DTWD1: variants seen among roughly 807,000 people sequenced by gnomAD.
DTWD1 encodes DTW motif tRNA-uridine aminocarboxypropyltransferase 1.
Under a neutral mutation model 30.2 loss-of-function variants are expected in DTWD1, and 27 were observed. The observed-to-expected ratio is 0.90, with a 90% CI of 0.66 to 1.23. DTWD1 has a LOEUF of 1.23. Ranked by LOEUF, DTWD1 falls within the 50% of genes most tolerant of loss-of-function variation. DTWD1 has a pLI of 0.00. For synonymous variants in DTWD1, 99 were observed against 113.1 expected (o/e 0.88, Z 0.79); for missense variants, 342 against 348.8 (o/e 0.98, Z 0.15).
At chr15:49,641,571 A>C (rs1313827089) in intron 4 of DTWD1, among the ~76,000 whole-genome samples, 2 of 152,004 alleles carry the variant, frequency 1.3e-5, no homozygotes, top group African/African-American at 4.8e-5. Context: ...TTCTTTACTC[A>C]GTGTTTTATC....
At chr15:49,631,488 G>A (rs140525403) in intron 2 of DTWD1, among the ~76,000 whole-genome samples, 267 of 152,262 alleles carry the variant, frequency 1.8e-3, no homozygotes, top group Non-Finnish European at 3.2e-3. Flanking sequence ...TAAGAGGCCA[G>A]GTGTGGTGGC....
chr15:49,637,167 T>G (rs2079012940), intron 4 of DTWD1, among the ~76,000 whole-genome samples: 2 of 152,146 alleles, frequency 1.3e-5, no homozygotes, highest in Admixed American at 6.5e-5. Context: ...TTCCACCCCT[T>G]TTTGAGATCA....
Position 49,643,317 on chromosome 15 carries a change from T to TTC in DTWD1, c.668-13_668-12insCT. 1 of 1,447,452 alleles carries TTC rather than the reference T, an allele frequency of 6.9e-7. No individual in the cohort carries two copies. The highest frequency in any genetic ancestry group is 1.5e-5 in the African/African-American group (1 of 67,746). 89.7% of individuals were successfully genotyped at this position (1,447,452 alleles called of 1,614,324 possible). A position where few individuals can be genotyped will look rare whatever the true frequency, so the allele number is the denominator to read the frequency against. ...TTCTTTCTTTCTTTCTTTTTTTTTT[T>TTC]TTTTTTTTGACAGGGTTGTTACAAG... On this transcript the variant is annotated splice_polypyrimidine_tract_variant and intron_variant, in intron 4 of 4. Transcript: ENST00000403028.
rs111644621 is a variant in DTWD1, at chr15:49,634,157, T to C, written c.409-379T>C. On this transcript the variant is annotated intron_variant, in intron 3 of 4. Transcript: ENST00000403028. ...TATCATTTGTTTTATCTTTGGCTTA[T>C]GATATAGATGAAAATGGCATTTAAT... Among the ~76,000 whole-genome samples, 338 of 152,320 alleles carry C rather than the reference T, an allele frequency of 2.2e-3. 2 individuals are homozygous for C. Among genetic ancestry groups the C allele is most frequent in the African/African-American group, 7.8e-3 (324 of 41,576 alleles).
chr15:49,642,017 C>A lies in DTWD1; in HGVS notation c.668-1314C>A, dbSNP rs561005271. On this transcript the variant is annotated intron_variant, in intron 4 of 4. Transcript: ENST00000403028. ...AAGTCATAGTCATTATCTCTTTAAC[C>A]GCTCCCTCTCTTCCATTCTCTTTGT... Among the ~76,000 whole-genome samples the A allele has an allele frequency of 2.0e-5, 3 of 152,114 alleles. No homozygotes were observed. In the South Asian group the frequency reaches 6.2e-4, roughly 32 times the overall value.
At chr15:49,636,623 T>G (rs560904874) in intron 4 of DTWD1, among the ~76,000 whole-genome samples, 186 of 152,258 alleles carry the variant, frequency 1.2e-3, no homozygotes, top group Admixed American at 1.6e-3. Flanking sequence ...TGTGATTAGT[T>G]TCAGTCTAAA....
chr15:49,625,792 G>A (rs1324217691), intron 2 of DTWD1, among the ~76,000 whole-genome samples: 1 of 152,092 alleles, frequency 6.6e-6, no homozygotes, highest in African/African-American at 2.4e-5. Flanking sequence ...GTAAATGCAC[G>A]ATTTGTAAAA....
chr15:49,654,874 G>A lies in DTWD1; in HGVS notation c.*11296G>A, dbSNP rs2079170094. The A allele has an allele frequency of 6.6e-6, 1 of 152,046 alleles. No homozygotes were observed. Among genetic ancestry groups the A allele is most frequent in the Admixed American group, 6.6e-5 (1 of 15,234 alleles). 9.4% of individuals were successfully genotyped at this position (152,046 alleles called of 1,614,324 possible). A position where few individuals can be genotyped will look rare whatever the true frequency, so the allele number is the denominator to read the frequency against. Reference sequence around the variant, plus strand: ...GGAGACTGAAAATATGGAAATCCAAGATCAGAGTTTCAGCATGGTTAGGTG... The same window carrying A: ...GGAGACTGAAAATATGGAAATCCAAAATCAGAGTTTCAGCATGGTTAGGTG... On this transcript the variant is annotated 3_prime_UTR_variant, in exon 5 of 5. Coordinates refer to ENST00000403028, the MANE Select transcript of DTWD1 (RefSeq NM_001144955.2).
rs967592350 is a variant in DTWD1 at position 49,621,076 on chromosome 15, C to G, written c.-102C>G. 25 of 152,576 alleles carry G rather than the reference C, an allele frequency of 1.6e-4. No homozygotes were observed. Among genetic ancestry groups the G allele is most frequent in the Non-Finnish European group, 2.2e-4 (15 of 68,350 alleles). 9.5% of individuals were successfully genotyped at this position (152,576 alleles called of 1,614,324 possible). A position where few individuals can be genotyped will look rare whatever the true frequency, so the allele number is the denominator to read the frequency against. On this transcript the variant is annotated 5_prime_UTR_variant, in exon 1 of 5. Transcript: ENST00000403028. ...GCCCGGCGCGTGGCTCGGGCTCGGGCGGAGCTGGAGACGTGTGGAGCTGTT... is the reference window on the plus strand; with the variant it reads ...GCCCGGCGCGTGGCTCGGGCTCGGGGGGAGCTGGAGACGTGTGGAGCTGTT...
intron 4 of DTWD1, among the ~76,000 whole-genome samples, chr15:49,640,516 T>C (rs527770968): frequency 3.3e-5 from 5 of 152,230 alleles, no homozygotes; most frequent in Admixed American, 2.0e-4. Flanking sequence ...CCAAATTGTT[T>C]TTCAAAGTGG....
intron 3 of DTWD1, among the ~76,000 whole-genome samples, chr15:49,633,968 T>C (rs1410387757): frequency 6.6e-6 from 1 of 152,190 alleles, no homozygotes; most frequent in Admixed American, 6.5e-5. Flanking sequence ...ATATTGTAAG[T>C]GTCTGTGTTT....
chr15:49,625,377 T>C lies in DTWD1; in HGVS notation c.210T>C (p.Tyr70=). ...GTGGTTCCAGAATGTTCTACTGCTA[T>C]ACATGTTATGTTCCAGTTGAAAATG... The part of the protein sequence containing the change: ...KCGGSRMFYC[Y]TCYVPVENVP... Residue 70 remains tyrosine (Y), a synonymous_variant, in exon 2 of 5, where the codon TAT becomes TAC. Coordinates refer to ENST00000403028, the MANE Select transcript of DTWD1 (RefSeq NM_001144955.2). The C allele has an allele frequency of 4.3e-6, 7 of 1,613,816 alleles. No individual in the cohort carries two copies. Among genetic ancestry groups the C allele is most frequent in the South Asian group, 1.1e-5 (1 of 91,064 alleles).
intron 1 of DTWD1, among the ~76,000 whole-genome samples, chr15:49,621,761 C>G (rs937842733): frequency 2.6e-5 from 4 of 152,108 alleles, no homozygotes; most frequent in African/African-American, 9.7e-5. Context: ...CAGTTTGTTA[C>G]CATATGGCGG....
intron 1 of DTWD1, among the ~76,000 whole-genome samples, chr15:49,624,504 AG>A (rs1257432855): frequency 6.6e-6 from 1 of 152,222 alleles, no homozygotes; most frequent in Non-Finnish European, 1.5e-5. Context: ...AAATTCTTAG[AG>A]TAAGTGGACA....
Position 49,648,144 on chromosome 15 carries a change from A to G in DTWD1, c.*4566A>G, listed in dbSNP as rs1161134208. Reference sequence around the variant, plus strand: ...AAGGTTGGAGATTATTTGTATACCAACTACTTAAGTTTACAAAAAATAATG... The same window carrying G: ...AAGGTTGGAGATTATTTGTATACCAGCTACTTAAGTTTACAAAAAATAATG... On this transcript the variant is annotated 3_prime_UTR_variant, in exon 5 of 5. Transcript: ENST00000403028. 2 of 152,170 alleles carry G rather than the reference A, an allele frequency of 1.3e-5. No homozygotes were observed. The highest frequency in any genetic ancestry group is 2.9e-5 in the Non-Finnish European group (2 of 68,028). 9.4% of individuals were successfully genotyped at this position (152,170 alleles called of 1,614,324 possible).
chr15:49,651,013 G>A lies in DTWD1; in HGVS notation c.*7435G>A, dbSNP rs1366761083. 3.3e-5 allele frequency: 5 copies of A among 152,108 alleles called. No homozygotes were observed. Among genetic ancestry groups the A allele is most frequent in the Non-Finnish European group, 7.4e-5 (5 of 68,026 alleles). 9.4% of individuals were successfully genotyped at this position (152,108 alleles called of 1,614,324 possible). A position where few individuals can be genotyped will look rare whatever the true frequency, so the allele number is the denominator to read the frequency against. ...ACTTTTATTAGTGGTAAAATGAGAA[G>A]ATTTACCCACGGAAGAGAATGTGCC... On this transcript the variant is annotated 3_prime_UTR_variant, in exon 5 of 5. Transcript: ENST00000403028.
chr15:49,621,958 GT>G lies in DTWD1; in HGVS notation c.-56+838del, dbSNP rs1195578213. Among the ~76,000 whole-genome samples, 5 of 152,240 alleles carry G rather than the reference GT, an allele frequency of 3.3e-5. No homozygotes were observed. The East Asian group carries it at 9.7e-4, about 29-fold the overall frequency. On this transcript the variant is annotated intron_variant, in intron 1 of 4. Transcript: ENST00000403028. The stretch of plus-strand genomic sequence containing the variant: ...TATAGGACAGGGGAGTCTGTATAGT[GT>G]TCCATTGGGAGGTGAGTCAGCTTAC...
chr15:49,628,820 A>G (rs952264246), intron 2 of DTWD1, among the ~76,000 whole-genome samples: 5 of 151,984 alleles, frequency 3.3e-5, no homozygotes, highest in African/African-American at 1.2e-4. Context: ...ATGTTTTTGT[A>G]GCTTGTAAAA....
intron 1 of DTWD1, among the ~76,000 whole-genome samples, chr15:49,622,284 C>T (rs1375632005): frequency 6.6e-6 from 1 of 152,120 alleles, no homozygotes; most frequent in African/African-American, 2.4e-5. Flanking sequence ...ATGCATTTTT[C>T]CATGTCAAAT....
Sources: allele counts gnomAD v4.1 joint callset (sites outside exome capture counted in the v4.1 genomes callset), GRCh38; gene constraint gnomAD v4.1.1; transcripts MANE v1.5; gene names NCBI Gene and HGNC (gene_info 2026-07-23, HGNC 2026-07-21).